The following EPHA6 variants were observed in gnomAD, a reference collection of about 807,000 sequenced individuals.
The protein encoded by EPHA6 is EPH receptor A6.
EPHA6 carries 50 observed loss-of-function variants against 112.0 expected under a neutral mutation model. The observed-to-expected ratio is 0.45, with a 90% confidence interval of 0.36 to 0.56. The LOEUF (loss-of-function observed/expected upper bound fraction) is 0.56, where lower values mean the gene tolerates loss of function less well. EPHA6 is among the 20% of genes least tolerant of loss of function. The pLI is 0.00. For missense variants in EPHA6, 1,280 were observed against 1,417.4 expected, an observed-to-expected ratio of 0.90 and a Z score of 1.56; for synonymous variants, 529 against 490.7, an observed-to-expected ratio of 1.08 and a Z score of -1.03.
intron 2 of EPHA6, among the ~76,000 whole-genome samples, chr3:96,898,617 C>T (rs1281507579): frequency 1.3e-5 from 2 of 152,056 alleles, no homozygotes; most frequent in Non-Finnish European, 2.9e-5. Flanking sequence ...TTCAGTAACC[C>T]ATTATGACTA....
chr3:97,173,085 A>G (rs2076743557), intron 3 of EPHA6, among the ~76,000 whole-genome samples: 1 of 151,868 alleles, frequency 6.6e-6, no homozygotes, highest in Non-Finnish European at 1.5e-5. Context: ...CTGTGTAAAT[A>G]TATTAAACTT....
intron 2 of EPHA6, among the ~76,000 whole-genome samples, chr3:96,950,582 G>A (rs549589685): frequency 2.6e-5 from 4 of 152,110 alleles, no homozygotes; most frequent in Non-Finnish European, 4.4e-5. Flanking sequence ...AATGGAAGTT[G>A]AAGAGAAATA....
At chr3:97,351,891 T>C (rs1180530778) in intron 5 of EPHA6, among the ~76,000 whole-genome samples, 2 of 152,126 alleles carry the variant, frequency 1.3e-5, no homozygotes, top group African/African-American at 4.8e-5. Context: ...TGGTTTATCA[T>C]TATAATTAAA....
intron 2 of EPHA6, among the ~76,000 whole-genome samples, chr3:96,943,031 T>C (rs2107693642): frequency 6.6e-6 from 1 of 152,182 alleles, no homozygotes; most frequent in African/African-American, 2.4e-5. Context: ...GTAACTACTA[T>C]TCTCTTTTCT....
intron 2 of EPHA6, among the ~76,000 whole-genome samples, chr3:96,869,403 G>A (rs2036511193): frequency 6.6e-6 from 1 of 151,214 alleles, no homozygotes; most frequent in Non-Finnish European, 1.5e-5. Context: ...GAAGGAATTG[G>A]CCTTGAAAAA....
intron 5 of EPHA6, among the ~76,000 whole-genome samples, chr3:97,294,366 A>G (rs1408466138): frequency 2.0e-5 from 3 of 152,110 alleles, no homozygotes; most frequent in Non-Finnish European, 4.4e-5. Flanking sequence ...ATTTGTTTAT[A>G]ATTAAGGTCT....
intron 5 of EPHA6, among the ~76,000 whole-genome samples, chr3:97,312,712 A>T (rs1335098902): frequency 6.6e-6 from 1 of 151,146 alleles, no homozygotes; most frequent in Non-Finnish European, 1.5e-5. Flanking sequence ...GATTTTATCC[A>T]TTTCTTTTTC....
At chr3:97,238,278 C>A (rs754322019) in intron 4 of EPHA6, among the ~76,000 whole-genome samples, 3 of 151,858 alleles carry the variant, frequency 2.0e-5, no homozygotes, top group African/African-American at 4.8e-5. Flanking sequence ...ACATTCCCTT[C>A]TGCTTCAAAT....
intron 5 of EPHA6, among the ~76,000 whole-genome samples, chr3:97,334,284 G>A (rs1023061631): frequency 2.6e-5 from 4 of 151,650 alleles, no homozygotes; most frequent in African/African-American, 9.7e-5. Context: ...TTGTATTAGG[G>A]TAATGCTGAC....
At chr3:97,447,222 C>A (rs2090376418) in intron 6 of EPHA6, among the ~76,000 whole-genome samples, 1 of 152,162 alleles carries the variant, frequency 6.6e-6, no homozygotes, top group South Asian at 2.1e-4. Flanking sequence ...AGTTCTAAAT[C>A]TTAAAGCATC....
chr3:97,078,357 T>C (rs1207642401), intron 3 of EPHA6, among the ~76,000 whole-genome samples: 1 of 152,162 alleles, frequency 6.6e-6, no homozygotes, highest in Admixed American at 6.5e-5. Flanking sequence ...CTGTTCACTT[T>C]GATGGTAGTT....
At chr3:97,745,843 T>C (rs2035691760) in intron 16 of EPHA6, among the ~76,000 whole-genome samples, 1 of 151,820 alleles carries the variant, frequency 6.6e-6, no homozygotes, top group Non-Finnish European at 1.5e-5. Flanking sequence ...GTAATTTTGA[T>C]GGTTAGGGAA....
At chr3:97,311,442 T>TCTCACA (rs142355083) in intron 5 of EPHA6, among the ~76,000 whole-genome samples, 255 of 144,154 alleles carry the variant, frequency 1.8e-3, no homozygotes, top group African/African-American at 6.0e-3. Flanking sequence ...GATTACACTT[T>TCTCACA]CACACACACA....
intron 13 of EPHA6, among the ~76,000 whole-genome samples, chr3:97,616,119 G>A (rs2093764028): frequency 2.6e-5 from 4 of 152,168 alleles, no homozygotes; most frequent in South Asian, 4.1e-4. Flanking sequence ...CACAGAGGAA[G>A]GGCCATCTTT....
intron 3 of EPHA6, among the ~76,000 whole-genome samples, chr3:97,006,546 C>CA (rs1162148867): frequency 1.3e-5 from 2 of 149,218 alleles, no homozygotes; most frequent in East Asian, 2.0e-4. Flanking sequence ...TTAATTTTTT[C>CA]AAAAAAACAG....
At chr3:97,060,688 G>C (rs977199632) in intron 3 of EPHA6, among the ~76,000 whole-genome samples, 29 of 152,008 alleles carry the variant, frequency 1.9e-4, no homozygotes, top group African/African-American at 7.0e-4. Flanking sequence ...GAGGCGGGCA[G>C]ATCACGAGGT....
chr3:97,265,264 C>T lies in EPHA6; in HGVS notation c.1606+20977C>T, dbSNP rs2079637096. ...TGAAGGTGGAGCCTCACTGGGGACT[C>T]TCAACCTTTGCCCAGGAGCTTGTCT... On this transcript the variant is annotated intron_variant, in intron 5 of 17. Transcript: ENST00000389672. Among the ~76,000 whole-genome samples the T allele has an allele frequency of 2.0e-5, 3 of 152,170 alleles. No homozygotes were observed. The South Asian group carries it at 6.2e-4, about 32-fold the overall frequency.
intron 16 of EPHA6, among the ~76,000 whole-genome samples, chr3:97,743,860 A>G (rs1414105866): frequency 6.6e-6 from 1 of 152,000 alleles, no homozygotes; most frequent in East Asian, 1.9e-4. Context: ...AATATAAAAC[A>G]TGGAAAACTT....
At chr3:97,304,565 G>A (rs749692696) in intron 5 of EPHA6, among the ~76,000 whole-genome samples, 2 of 152,012 alleles carry the variant, frequency 1.3e-5, no homozygotes, top group Non-Finnish European at 2.9e-5. Context: ...CAATGGAACA[G>A]AATAGAGATC....
Sources: allele counts gnomAD v4.1 joint callset (sites outside exome capture counted in the v4.1 genomes callset), GRCh38; gene constraint gnomAD v4.1.1; transcripts MANE v1.5; gene names NCBI Gene and HGNC (gene_info 2026-07-23, HGNC 2026-07-21).